The following ZNF26 variants were observed in gnomAD, a reference collection of about 807,000 sequenced individuals.
The protein encoded by ZNF26 is zinc finger protein 26, also known as epididymis luminal protein 179.
In ZNF26, 32 loss-of-function variants were observed where a neutral mutation model predicts 54.9. That is an observed-to-expected ratio of 0.58 (90% CI 0.44 to 0.78). The LOEUF (loss-of-function observed/expected upper bound fraction) is 0.78. Ranked by LOEUF, ZNF26 falls within the 30% of genes least tolerant of loss-of-function variation. ZNF26 has a pLI of 0.00. For synonymous variants in ZNF26, 221 were observed against 209.2 expected, an observed-to-expected ratio of 1.06 and a Z score of -0.49; for missense variants, 524 against 634.0, an observed-to-expected ratio of 0.83 and a Z score of 1.86.
rs970998429 is a variant in ZNF26, at chr12:133,022,305, A to G, written c.*10824A>G. ...ATATTCAAATCAATTTTATTTCTAT[A>G]TATCAGAAAAATAATATAAAATGGG... is the stretch of plus-strand genomic sequence containing the variant. On this transcript the variant is annotated 3_prime_UTR_variant, in exon 4 of 4. Coordinates refer to ENST00000328654, the MANE Select transcript of ZNF26 (RefSeq NM_019591.4). 1.7e-4 allele frequency: 26 copies of G among 152,224 alleles called. No homozygotes were observed. Among genetic ancestry groups the G allele is most frequent in the Admixed American group, 4.6e-4 (7 of 15,268 alleles). The allele number at this position is 152,224 out of a possible 1,614,324, so 9.4% of individuals were successfully genotyped here.
intron 1 of ZNF26, among the ~76,000 whole-genome samples, chr12:132,989,405 CATT>C (rs1225673461): frequency 2.2e-4 from 34 of 152,228 alleles, no homozygotes; most frequent in African/African-American, 7.0e-4. Context: ...CCTTCACAGT[CATT>C]ATACATTTTA....
intron 1 of ZNF26, chr12:132,987,710 C>G (rs949492309): frequency 1.0e-6 from 1 of 985,246 alleles, no homozygotes; most frequent in African/African-American, 1.7e-5. Context: ...CATAAAGACA[C>G]CTTATTGTAT....
rs1038118337 is a variant in ZNF26, at chr12:133,018,593, A to C, written c.*7112A>C. On this transcript the variant is annotated 3_prime_UTR_variant, in exon 4 of 4. Transcript: ENST00000328654. The stretch of plus-strand genomic sequence containing the variant: ...GGAGAAATAGATGAACAAAAGATAC[A>C]TGAGACATAAAATACAAAAGGGAAA... The C allele has an allele frequency of 2.0e-4, 30 of 152,344 alleles. No individual in the cohort carries two copies. The highest frequency in any genetic ancestry group is 1.6e-3 in the Admixed American group (24 of 15,296). The allele number at this position is 152,344 out of a possible 1,614,324, so 9.4% of individuals were successfully genotyped here. A position where few individuals can be genotyped will look rare whatever the true frequency, so the allele number is the denominator to read the frequency against.
Position 133,011,703 on chromosome 12 carries a change from G to A in ZNF26, c.*222G>A, listed in dbSNP as rs1953477619. ...ATGTGGAGCAATAAATGTATCAAAT[G>A]TTGTAGTATCATCATGAAGATTCAG... On this transcript the variant is annotated 3_prime_UTR_variant, in exon 4 of 4. Coordinates refer to ENST00000328654, the MANE Select transcript of ZNF26 (RefSeq NM_019591.4). 2 of 353,168 alleles carry A rather than the reference G, an allele frequency of 5.7e-6. No homozygotes were observed. Among genetic ancestry groups the A allele is most frequent in the Admixed American group, 4.3e-5 (1 of 23,148 alleles). The allele number at this position is 353,168 out of a possible 1,614,324, so 21.9% of individuals were successfully genotyped here.
chr12:133,001,802 G>A lies in ZNF26; in HGVS notation c.34-5240G>A, dbSNP rs1953224638. On this transcript the variant is annotated intron_variant, in intron 1 of 3. Transcript: ENST00000328654. The surrounding 1 kb of genome is among the most constrained non-coding windows in gnomAD (Gnocchi z 4.7). The stretch of plus-strand genomic sequence containing the variant: ...CCCTCACTCCCCAGCTGCCTTTTGA[G>A]AGTCCCGCGGCAGTCTTTGCCTTCA... The A allele has an allele frequency of 2.4e-6, 2 of 838,912 alleles. No homozygotes were observed. The highest frequency in any genetic ancestry group is 3.4e-6 in the Non-Finnish European group (2 of 582,738). 52.0% of individuals were successfully genotyped at this position (838,912 alleles called of 1,614,324 possible).
Position 133,001,986 on chromosome 12 carries a change from C to T in ZNF26, c.34-5056C>T, listed in dbSNP as rs1953228055. 6.6e-6 allele frequency among the ~76,000 whole-genome samples: 1 copy of T among 152,070 alleles called. No homozygotes were observed. Among genetic ancestry groups the T allele is most frequent in the Non-Finnish European group, 1.5e-5 (1 of 68,032 alleles). On this transcript the variant is annotated intron_variant, in intron 1 of 3. Transcript: ENST00000328654. This position sits in a 1 kb window ranked among gnomAD's most constrained non-coding sequence, Gnocchi z 4.7. ...TGCACAGTCCCCTTTTCTTAGAGCC[C>T]CTCCTGTTTGAGAGGATGGATACCC...
In ZNF26 at chr12:133,012,578, GTTTTTTT is replaced by G. The variant is rs1193864973; in HGVS notation, c.*1122_*1128del. 4.2e-4 allele frequency: 16 copies of G among 37,652 alleles called. No individual in the cohort carries two copies. The highest frequency in any genetic ancestry group is 5.8e-4 in the Non-Finnish European group (12 of 20,650). The allele number at this position is 37,652 out of a possible 1,614,324, so 2.3% of individuals were successfully genotyped here. ...ATGTCTTTTGCTTTTTGTTGTTTGG[GTTTTTTT>G]TTTTTTTTTTTTTTTTTTTTTTTTG... is the stretch of plus-strand genomic sequence containing the variant. On this transcript the variant is annotated 3_prime_UTR_variant, in exon 4 of 4. Coordinates refer to ENST00000328654, the MANE Select transcript of ZNF26 (RefSeq NM_019591.4).
intron 3 of ZNF26, among the ~76,000 whole-genome samples, chr12:133,008,842 T>C (rs1953401572): frequency 6.6e-6 from 1 of 150,600 alleles, no homozygotes; most frequent in African/African-American, 2.4e-5. Context: ...TTTAATTGGC[T>C]CAGAGTTCTG....
intron 1 of ZNF26, among the ~76,000 whole-genome samples, chr12:132,997,055 T>C (rs1953101317): frequency 6.6e-6 from 1 of 152,178 alleles, no homozygotes; most frequent in Non-Finnish European, 1.5e-5. Flanking sequence ...GGAGGGGTGG[T>C]TCAGAAGGGA....
intron 1 of ZNF26, among the ~76,000 whole-genome samples, chr12:132,989,690 A>C (rs998169971): frequency 1.3e-5 from 2 of 152,146 alleles, no homozygotes; most frequent in Non-Finnish European, 2.9e-5. Context: ...AAACGTTTTG[A>C]ATTTTGGAGC....
Position 133,010,657 on chromosome 12 carries a change from T to C in ZNF26, c.778T>C (p.Cys260Arg). ...TCACACAGGAGGGAAACCCTATGGCTGCAGTGAATGTGGGAAAGCCTACAG... is the reference window on the plus strand; with the variant it reads ...TCACACAGGAGGGAAACCCTATGGCCGCAGTGAATGTGGGAAAGCCTACAG... The part of the protein sequence containing the change: ...EIHTGGKPYG[C>R]SECGKAYSWK... The change falls in exon 4 of 4, where the codon TGC becomes CGC. Residue 260 changes from cysteine (C) to arginine (R), a missense_variant. Transcript: ENST00000328654. 6.2e-7 allele frequency: 1 copy of C among 1,614,180 alleles called. No individual in the cohort carries two copies. Among genetic ancestry groups the C allele is most frequent in the Non-Finnish European group, 8.5e-7 (1 of 1,180,040 alleles).
intron 1 of ZNF26, among the ~76,000 whole-genome samples, chr12:132,999,306 G>C (rs1219568569): frequency 6.6e-6 from 1 of 152,216 alleles, no homozygotes; most frequent in Non-Finnish European, 1.5e-5. Context: ...CCAGGCTTGA[G>C]TGCAGTGGCA....
chr12:132,989,934 C>T (rs1286305453), intron 1 of ZNF26, among the ~76,000 whole-genome samples: 1 of 152,158 alleles, frequency 6.6e-6, no homozygotes, highest in African/African-American at 2.4e-5. Context: ...GAGAAAGACC[C>T]TTGTTCCTAG....
intron 1 of ZNF26, among the ~76,000 whole-genome samples, chr12:132,987,329 G>T (rs1217323821): frequency 6.6e-6 from 1 of 152,146 alleles, no homozygotes; most frequent in Non-Finnish European, 1.5e-5. Flanking sequence ...GAGGAGCTTT[G>T]GTTTGGTGGA....
At chr12:132,990,616 G>T (rs1034921209) in intron 1 of ZNF26, among the ~76,000 whole-genome samples, 6 of 152,270 alleles carry the variant, frequency 3.9e-5, no homozygotes, top group Non-Finnish European at 7.4e-5. Context: ...GGGAAAAAAA[G>T]ATTGGTGTGA....
chr12:133,023,704 T>A lies in ZNF26; in HGVS notation c.*12223T>A, dbSNP rs1446059729. 2.0e-5 allele frequency: 3 copies of A among 152,342 alleles called. No individual in the cohort carries two copies. The South Asian group carries it at 6.2e-4, about 32-fold the overall frequency. 9.4% of individuals were successfully genotyped at this position (152,342 alleles called of 1,614,324 possible). A position where few individuals can be genotyped will look rare whatever the true frequency, so the allele number is the denominator to read the frequency against. On this transcript the variant is annotated 3_prime_UTR_variant, in exon 4 of 4. Coordinates refer to ENST00000328654, the MANE Select transcript of ZNF26 (RefSeq NM_019591.4). ...GTGATCTTGCCACTCCTCCCACTTA[T>A]AGTCTTGCCCCATCCTTTGAGTTTT... is the stretch of plus-strand genomic sequence containing the variant.
intron 2 of ZNF26, 125 bp downstream of exon 2, chr12:133,007,293 A>G (rs1158584829): frequency 1.5e-6 from 2 of 1,366,684 alleles, no homozygotes; most frequent in African/African-American, 1.4e-5. Context: ...TTAGGGGTCA[A>G]ATTTCCTTAG....
chr12:132,994,684 T>C (rs1308527298), intron 1 of ZNF26, among the ~76,000 whole-genome samples: 2 of 152,256 alleles, frequency 1.3e-5, no homozygotes, highest in East Asian at 3.8e-4. Flanking sequence ...TAATCTGTTA[T>C]CAACATCAGT....
At chr12:132,997,246 CAG>C (rs1478128121) in intron 1 of ZNF26, among the ~76,000 whole-genome samples, 3 of 152,166 alleles carry the variant, frequency 2.0e-5, no homozygotes, top group African/African-American at 4.8e-5. Flanking sequence ...GAGTCCAGAA[CAG>C]GGGTTAATCA....
Sources: allele counts gnomAD v4.1 joint callset (sites outside exome capture counted in the v4.1 genomes callset), GRCh38; gene constraint gnomAD v4.1.1; non-coding constraint Gnocchi (gnomAD v3.1); transcripts MANE v1.5; gene names NCBI Gene and HGNC (gene_info 2026-07-23, HGNC 2026-07-21).